The following PCDHA10 variants were observed in gnomAD, a reference collection of about 807,000 sequenced individuals.
PCDHA10 encodes the protein protocadherin alpha-10.
Under a neutral mutation model 61.2 loss-of-function variants are expected in PCDHA10, and 45 were observed. The observed-to-expected ratio is 0.74, with a 90% CI of 0.58 to 0.94. The LOEUF (loss-of-function observed/expected upper bound fraction) is 0.94, where lower values mean the gene tolerates loss of function less well. PCDHA10 is among the 40% of genes least tolerant of loss of function. The pLI is 0.00. For synonymous variants in PCDHA10, 602 were observed against 548.8 expected (o/e 1.10, Z -1.35); for missense variants, 1,278 against 1,236.2 (o/e 1.03, Z -0.51).
intron 1 of PCDHA10, among the ~76,000 whole-genome samples, chr5:140,911,977 T>G (rs1554195068): frequency 1.3e-5 from 2 of 152,180 alleles, no homozygotes; most frequent in African/African-American, 4.8e-5. Context: ...TTAACTCACA[T>G]GATCACAAGG....
In PCDHA10 at chr5:140,876,439, A is replaced by G; in HGVS notation, c.2388+18003A>G. 4 of 1,613,988 alleles carry G rather than the reference A, an allele frequency of 2.5e-6. No individual in the cohort carries two copies. The East Asian group carries it at 8.9e-5, about 36-fold the overall frequency. ...TGCCTATGAAATTCAGGTTAACGCC[A>G]TTGATAAAGGGATTCCTTCCATGGC... is the stretch of plus-strand genomic sequence containing the variant. On this transcript the variant is annotated intron_variant, in intron 1 of 3. Transcript: ENST00000307360.
intron 1 of PCDHA10, among the ~76,000 whole-genome samples, chr5:140,947,064 A>G (rs1554218040): frequency 6.6e-6 from 1 of 151,738 alleles, no homozygotes; most frequent in African/African-American, 2.4e-5. Flanking sequence ...TACACAGTGT[A>G]TATATGTATT....
At chr5:140,863,211 C>G in intron 1 of PCDHA10, 5 of 1,030,298 alleles carry the variant, frequency 4.9e-6, no homozygotes, top group Non-Finnish European at 7.2e-6. Context: ...CGGAGAGCAG[C>G]CAAGCGAGGA....
intron 1 of PCDHA10, among the ~76,000 whole-genome samples, chr5:140,963,536 T>G (rs2095772178): frequency 6.6e-6 from 1 of 152,230 alleles, no homozygotes; most frequent in African/African-American, 2.4e-5. Flanking sequence ...TCCCATTTAC[T>G]TCATGATATA....
In PCDHA10 at chr5:140,877,377, C is replaced by A. The variant is rs575601254; in HGVS notation, c.2388+18941C>A. 8.1e-6 allele frequency: 13 copies of A among 1,614,008 alleles called. No homozygotes were observed. The South Asian group carries it at 1.1e-4, about 14-fold the overall frequency. ...ACACTGGCGAGATCAGCACGACACG[C>A]ATCCTGGATGAGGCGGACGCTCCGC... On this transcript the variant is annotated intron_variant, in intron 1 of 3. Transcript: ENST00000307360.
At chr5:140,967,047 T>C in intron 1 of PCDHA10, 5 of 1,612,444 alleles carry the variant, frequency 3.1e-6, no homozygotes, top group Non-Finnish European at 4.2e-6. Flanking sequence ...GAGCTGGACC[T>C]GACGAGTGGA....
chr5:141,010,030 C>CTAG lies in PCDHA10; in HGVS notation c.*93_*94insTAG. The stretch of plus-strand genomic sequence containing the variant: ...ATTCCCTGCTCCTTTTTCCTATCTA[C>CTAG]ATGAGCCCTCTTAGAGACCTCAGAA... On this transcript the variant is annotated 3_prime_UTR_variant, in exon 4 of 4. Coordinates refer to ENST00000307360, the MANE Select transcript of PCDHA10 (RefSeq NM_018901.4). 1 of 1,580,910 alleles carries CTAG rather than the reference C, an allele frequency of 6.3e-7. No homozygotes were observed. Among genetic ancestry groups the CTAG allele is most frequent in the Admixed American group, 1.8e-5 (1 of 54,776 alleles).
intron 2 of PCDHA10, among the ~76,000 whole-genome samples, chr5:140,981,442 C>T (rs1379745081): frequency 6.6e-6 from 1 of 151,988 alleles, no homozygotes; most frequent in Non-Finnish European, 1.5e-5. Flanking sequence ...GGCATGGTGG[C>T]GGGTGCCTGT....
chr5:140,877,457 C>T lies in PCDHA10; in HGVS notation c.2388+19021C>T, dbSNP rs73263833. On this transcript the variant is annotated intron_variant, in intron 1 of 3. Coordinates refer to ENST00000307360, the MANE Select transcript of PCDHA10 (RefSeq NM_018901.4). ...CACGGTGAGCCCGCGCTGACGTCCACGGCCACGGTGCTGGTGTCGCTGGTG... is the reference window on the plus strand; with the variant it reads ...CACGGTGAGCCCGCGCTGACGTCCATGGCCACGGTGCTGGTGTCGCTGGTG... 1.0e-3 allele frequency: 1,615 copies of T among 1,613,806 alleles called. 8 individuals carry two copies. The African/African-American group carries it at 0.018, about 18-fold the overall frequency.
intron 1 of PCDHA10, among the ~76,000 whole-genome samples, chr5:140,941,150 G>A (rs894422349): frequency 1.1e-4 from 17 of 151,436 alleles, no homozygotes; most frequent in Non-Finnish European, 1.8e-4. Context: ...TAGTTTGGAG[G>A]CCCCATAAGA....
intron 1 of PCDHA10, among the ~76,000 whole-genome samples, chr5:140,886,663 T>G (rs1164928390): frequency 6.6e-6 from 1 of 151,786 alleles, no homozygotes; most frequent in Non-Finnish European, 1.5e-5. Flanking sequence ...CTGTCTCTAC[T>G]AAAAATACAA....
intron 1 of PCDHA10, among the ~76,000 whole-genome samples, chr5:140,938,848 G>T (rs1554212426): frequency 6.6e-6 from 1 of 151,980 alleles, no homozygotes; most frequent in Non-Finnish European, 1.5e-5. Flanking sequence ...ACCTGCCCAT[G>T]TACCCCTGAA....
At chr5:140,970,663 CAAAT>C (rs1216768545) in intron 1 of PCDHA10, among the ~76,000 whole-genome samples, 1 of 152,136 alleles carries the variant, frequency 6.6e-6, no homozygotes, top group Non-Finnish European at 1.5e-5. Flanking sequence ...GTTATCTTTC[CAAAT>C]AACTACTTTG....
chr5:140,875,694 T>C, intron 1 of PCDHA10: 1 of 1,614,008 alleles, frequency 6.2e-7, no homozygotes, highest in South Asian at 1.1e-5. Flanking sequence ...ACGGGGACCT[T>C]CTGGAGGTAA....
chr5:140,961,672 A>T (rs1463428757), intron 1 of PCDHA10, among the ~76,000 whole-genome samples: 2 of 152,182 alleles, frequency 1.3e-5, no homozygotes, highest in East Asian at 3.8e-4. Flanking sequence ...ACCAGTTTTT[A>T]ATTAAGCCGG....
chr5:140,925,641 TATAATAATAATAATAATA>T (rs10569930), intron 1 of PCDHA10, among the ~76,000 whole-genome samples: 1 of 143,358 alleles, frequency 7.0e-6, no homozygotes, highest in African/African-American at 2.5e-5. Context: ...GAACTTAAAG[TATAATAATAATAATAATA>T]ATAATAATAA....
chr5:140,876,455 C>G, intron 1 of PCDHA10: 1 of 1,613,992 alleles, frequency 6.2e-7, no homozygotes, highest in Non-Finnish European at 8.5e-7. Context: ...AAAGGGATTC[C>G]TTCCATGGCA....
chr5:140,984,340 T>C (rs1224859959), intron 3 of PCDHA10, among the ~76,000 whole-genome samples: 1 of 152,242 alleles, frequency 6.6e-6, no homozygotes, highest in African/African-American at 2.4e-5. Flanking sequence ...ATAGGAACCA[T>C]GTATTGATAT....
chr5:140,941,191 T>TTTTTTTTCTTTC (rs1554213809), intron 1 of PCDHA10, among the ~76,000 whole-genome samples: 2 of 93,204 alleles, frequency 2.1e-5, no homozygotes, highest in African/African-American at 7.9e-5. Context: ...GCTTCTTTTT[T>TTTTTTTTCTTTC]TTTCTTTCTT....
Sources: allele counts gnomAD v4.1 joint callset (sites outside exome capture counted in the v4.1 genomes callset), GRCh38; gene constraint gnomAD v4.1.1; transcripts MANE v1.5; gene names NCBI Gene and HGNC (gene_info 2026-07-23, HGNC 2026-07-21).